The following CUX2 variants were observed in gnomAD, a reference collection of about 807,000 sequenced individuals.
CUX2 encodes homeobox protein cut-like 2.
A neutral mutation model predicts 144.8 loss-of-function variants in CUX2; 40 were observed. The ratio of observed to expected loss-of-function variants is 0.28; its 90% CI spans 0.21 to 0.36. The LOEUF is 0.36. CUX2 is among the 10% of genes least tolerant of loss of function. The pLI is 1.00. For synonymous variants in CUX2, 827 were observed against 875.6 expected, an observed-to-expected ratio of 0.94 and a Z score of 0.98; for missense variants, 1,615 against 1,994.0, an observed-to-expected ratio of 0.81 and a Z score of 3.62.
In CUX2 at chr12:111,320,811, G is replaced by A. The variant is rs771032882; in HGVS notation, c.2766+36G>A. On this transcript the variant is annotated intron_variant, in intron 17 of 21. Coordinates refer to ENST00000261726, the MANE Select transcript of CUX2 (RefSeq NM_015267.4). This position sits in a 1 kb window ranked among gnomAD's most constrained non-coding sequence, Gnocchi z 8.1. ...GGCGGGCCCCCGGTGTCTGGGCTCT[G>A]GGAGAAGATGTCGGAGAAGTAGGAT... 24 of 1,456,428 alleles carry A rather than the reference G, an allele frequency of 1.6e-5. No individual in the cohort carries two copies. The East Asian group carries it at 5.9e-4, about 36-fold the overall frequency. The allele number at this position is 1,456,428 out of a possible 1,614,324, so 90.2% of individuals were successfully genotyped here.
intron 3 of CUX2, among the ~76,000 whole-genome samples, chr12:111,224,920 A>G (rs757284364): frequency 6.6e-6 from 1 of 151,688 alleles, no homozygotes; most frequent in Non-Finnish European, 1.5e-5. Context: ...CTTTTTTTTA[A>G]TTTTTGAGAC....
At chr12:111,110,670 C>A (rs1321211134) in intron 1 of CUX2, among the ~76,000 whole-genome samples, 1 of 152,208 alleles carries the variant, frequency 6.6e-6, no homozygotes, top group African/African-American at 2.4e-5. Flanking sequence ...CAAGAAGTTT[C>A]TCTCTAATCT....
intron 1 of CUX2, among the ~76,000 whole-genome samples, chr12:111,173,758 A>G (rs1490510757): frequency 6.6e-6 from 1 of 151,954 alleles, no homozygotes; most frequent in Non-Finnish European, 1.5e-5. Flanking sequence ...AATCACCTGA[A>G]ATTTCCTTGA....
intron 10 of CUX2, among the ~76,000 whole-genome samples, chr12:111,306,059 G>A (rs1886563798): frequency 6.6e-6 from 1 of 152,114 alleles, no homozygotes; most frequent in Non-Finnish European, 1.5e-5. Flanking sequence ...AGGCTGTGTG[G>A]AGAGAGATGG....
chr12:111,143,706 G>A lies in CUX2; in HGVS notation c.64-70494G>A, dbSNP rs11065818. Among the ~76,000 whole-genome samples the A allele has an allele frequency of 2.1e-4, 32 of 152,296 alleles. 1 individual carries two copies. The highest frequency in any genetic ancestry group is 6.2e-4 in the South Asian group (3 of 4,822). On this transcript the variant is annotated intron_variant, in intron 1 of 21. Coordinates refer to ENST00000261726, the MANE Select transcript of CUX2 (RefSeq NM_015267.4). ...GCTCACTTCTTTTTCTGGAGGCCTC[G>A]CCGCCTGATGCCTTCTCCATCAATG... is the stretch of plus-strand genomic sequence containing the variant.
intron 20 of CUX2, among the ~76,000 whole-genome samples, chr12:111,340,148 A>C (rs1178151643): frequency 6.6e-6 from 1 of 152,186 alleles, no homozygotes; most frequent in Non-Finnish European, 1.5e-5. Flanking sequence ...GTGAGCCAAG[A>C]GGATCGTGCC....
At chr12:111,164,301 C>T (rs1399323242) in intron 1 of CUX2, among the ~76,000 whole-genome samples, 3 of 152,034 alleles carry the variant, frequency 2.0e-5, no homozygotes, top group African/African-American at 7.2e-5. Flanking sequence ...AGGGGCGGGA[C>T]ATGGTGGCTC....
intron 3 of CUX2, among the ~76,000 whole-genome samples, chr12:111,233,787 A>G (rs1882599549): frequency 6.6e-6 from 1 of 152,212 alleles, no homozygotes; most frequent in African/African-American, 2.4e-5. Context: ...AAGAGCTAGA[A>G]TTTGAACCCA....
intron 1 of CUX2, among the ~76,000 whole-genome samples, chr12:111,070,291 T>G (rs546251335): frequency 6.6e-6 from 1 of 152,256 alleles, no homozygotes; most frequent in South Asian, 2.1e-4. Flanking sequence ...ATAAAACCGT[T>G]GTTAACACTA....
chr12:111,317,440 A>G (rs557198708), intron 16 of CUX2, among the ~76,000 whole-genome samples: 3 of 152,322 alleles, frequency 2.0e-5, no homozygotes, highest in African/African-American at 7.2e-5. Flanking sequence ...GTGTGTGTAT[A>G]TTCATGCATT....
chr12:111,140,907 G>A (rs1286565900), intron 1 of CUX2, among the ~76,000 whole-genome samples: 1 of 152,204 alleles, frequency 6.6e-6, no homozygotes, highest in Admixed American at 6.5e-5. Context: ...TGCCTGAGAA[G>A]TGAGCAGGGA....
At chr12:111,196,139 A>T (rs1383969966) in intron 1 of CUX2, among the ~76,000 whole-genome samples, 1 of 152,206 alleles carries the variant, frequency 6.6e-6, no homozygotes. Context: ...AGCTTCTTAC[A>T]TTAGGTATAA....
rs767996140 is a variant in CUX2, at chr12:111,320,700, C to T, written c.2691C>T (p.Asp897=). The part of the protein sequence containing the change: ...QYELYMYREV[D]TLELTRQVKE... ...AGCTGTACATGTACCGTGAGGTAGA[C>T]ACGCTGGAGCTCACCCGCCAGGTCA... is the stretch of plus-strand genomic sequence containing the variant. Residue 897 remains aspartate, a synonymous_variant, in exon 17 of 22, where the codon GAC becomes GAT. Transcript: ENST00000261726. The surrounding 1 kb of genome is among the most constrained non-coding windows in gnomAD (Gnocchi z 8.1). 9 of 1,592,366 alleles carry T rather than the reference C, an allele frequency of 5.7e-6. No individual in the cohort carries two copies. In the African/African-American group the frequency reaches 9.4e-5, roughly 17 times the overall value.
At chr12:111,060,919 C>T (rs1178895232) in intron 1 of CUX2, among the ~76,000 whole-genome samples, 1 of 152,230 alleles carries the variant, frequency 6.6e-6, no homozygotes, top group South Asian at 2.1e-4. Context: ...GGCCAAGTGC[C>T]AGGGACAAAG....
chr12:111,295,334 G>A lies in CUX2; in HGVS notation c.562G>A (p.Gly188Ser), dbSNP rs2136338884. The change falls in exon 7 of 22, where the codon GGC becomes AGC. Residue 188 changes from glycine (G) to serine (S), a missense_variant and splice_region_variant. Around this residue, in one of 12 missense-constraint regions of CUX2, gnomAD observed 295 missense variants for 400.2 expected, o/e 0.74. Transcript: ENST00000261726. This position sits in a 1 kb window ranked among gnomAD's most constrained non-coding sequence, Gnocchi z 5.0. ...LQRNEAEKQK[G>S]LQEVQITLAA... ...CAAGCAGGCCTCGTCTCTCCGCAGG[G>A]GCCTTCAAGAAGTACAGATCACTTT... The A allele has an allele frequency of 6.2e-7, 1 of 1,612,578 alleles. No individual in the cohort carries two copies. Among genetic ancestry groups the A allele is most frequent in the Non-Finnish European group, 8.5e-7 (1 of 1,179,448 alleles).
Position 111,097,549 on chromosome 12 carries a change from C to T in CUX2, c.63+63309C>T, listed in dbSNP as rs192488626. Among the ~76,000 whole-genome samples, 327 of 152,236 alleles carry T rather than the reference C, an allele frequency of 2.1e-3. 3 individuals carry two copies. Among genetic ancestry groups the T allele is most frequent in the African/African-American group, 7.4e-3 (307 of 41,490 alleles). ...ATGATATTAATCACAGCAGCAATAA[C>T]TAATACATATTCATGTGCCTACCCG... On this transcript the variant is annotated intron_variant, in intron 1 of 21. Coordinates refer to ENST00000261726, the MANE Select transcript of CUX2 (RefSeq NM_015267.4).
chr12:111,130,503 T>G (rs1021583049), intron 1 of CUX2, among the ~76,000 whole-genome samples: 1 of 152,236 alleles, frequency 6.6e-6, no homozygotes, highest in Non-Finnish European at 1.5e-5. Flanking sequence ...ACCCTTTGTA[T>G]TTAGGTTTCC....
At chr12:111,063,617 G>A (rs1360653079) in intron 1 of CUX2, among the ~76,000 whole-genome samples, 1 of 152,246 alleles carries the variant, frequency 6.6e-6, no homozygotes, top group Non-Finnish European at 1.5e-5. Flanking sequence ...AACTCCAGCA[G>A]GGCCTGCCTT....
At chr12:111,330,600 G>T (rs1215544767) in intron 18 of CUX2, among the ~76,000 whole-genome samples, 1 of 149,406 alleles carries the variant, frequency 6.7e-6, no homozygotes, top group Non-Finnish European at 1.5e-5. Flanking sequence ...TTGGGAGGCC[G>T]AGGCAGGAGG....
Sources: allele counts gnomAD v4.1 joint callset (sites outside exome capture counted in the v4.1 genomes callset), GRCh38; gene constraint gnomAD v4.1.1; regional missense constraint gnomAD v4.1.1; non-coding constraint Gnocchi (gnomAD v3.1); transcripts MANE v1.5; gene names NCBI Gene and HGNC (gene_info 2026-07-23, HGNC 2026-07-21).